The following WAC variants were observed in gnomAD, a reference collection of about 807,000 sequenced individuals.
The protein encoded by WAC is WW domain containing adaptor with coiled-coil, also known as WW domain-containing adapter protein with coiled-coil.
WAC carries 11 observed loss-of-function variants against 79.6 expected under a neutral mutation model. The observed-to-expected ratio is 0.14, with a 90% CI of 0.09 to 0.23. The LOEUF is 0.23. WAC is among the 10% of genes least tolerant of loss of function. The pLI is 1.00. For synonymous variants in WAC, 304 were observed against 276.9 expected (o/e 1.10, Z -0.97); for missense variants, 728 against 773.5 (o/e 0.94, Z 0.70).
At chr10:28,589,645 T>A in intron 4 of WAC, 91 bp from the exon 5 acceptor site, 1 of 756,284 alleles carries the variant, frequency 1.3e-6, no homozygotes, top group Non-Finnish European at 2.2e-6. Context: ...ATCTCATAAG[T>A]GTTTTCCTGT....
chr10:28,608,137 A>T, intron 7 of WAC, 49 bp from the exon 8 acceptor site: 2 of 1,604,662 alleles, frequency 1.2e-6, no homozygotes, highest in Non-Finnish European at 1.7e-6. Context: ...TGTTTGTTCC[A>T]ATTTTCTCTA....
intron 8 of WAC, among the ~76,000 whole-genome samples, chr10:28,609,784 G>A (rs1366856894): frequency 6.6e-6 from 1 of 152,168 alleles, no homozygotes; most frequent in Admixed American, 6.5e-5. Context: ...TGAGGTGGGA[G>A]AATAACTTAA....
rs1836363101 is a variant in WAC at position 28,533,158 on chromosome 10, CCA to C, written c.-421_-420del. On this transcript the variant is annotated 5_prime_UTR_variant, in exon 1 of 14. Transcript: ENST00000354911. ...AGTTGGTGGAGCGGCAGCGGCGGCA[CCA>C]GCGGCGGCGGCGGCGGCGGGAGGAG... Among the ~76,000 whole-genome samples the C allele has an allele frequency of 1.3e-5, 2 of 151,306 alleles. No homozygotes were observed. The highest frequency in any genetic ancestry group is 1.3e-4 in the Admixed American group (2 of 15,182).
intron 4 of WAC, among the ~76,000 whole-genome samples, chr10:28,585,155 C>A (rs928551876): frequency 1.3e-5 from 2 of 152,040 alleles, no homozygotes; most frequent in Non-Finnish European, 2.9e-5. Context: ...AACAAAGGAA[C>A]CCTCAGGTAA....
rs539187933 is a variant in WAC at position 28,603,872 on chromosome 10, T to TG, written c.920-4313dup. 4.3e-3 allele frequency among the ~76,000 whole-genome samples: 629 copies of TG among 147,426 alleles called. 3 individuals are homozygous for TG. The highest frequency in any genetic ancestry group is 0.012 in the South Asian group (55 of 4,566). On this transcript the variant is annotated intron_variant, in intron 7 of 13. Coordinates refer to ENST00000354911, the MANE Select transcript of WAC (RefSeq NM_016628.5). ...TGGCGTGAACCCGGGAGGCAGATCT[T>TG]GCAGTTAGCTGAGATTGCACCACTG... is the stretch of plus-strand genomic sequence containing the variant.
In WAC at chr10:28,533,192, G is replaced by A. The variant is rs1049340776; in HGVS notation, c.-388G>A. ...GCGGCGGCGGCGGGAGGAGGAGGAG[G>A]AGAAGAAGGACCAGGCGGCGGCAGC... On this transcript the variant is annotated 5_prime_UTR_variant, in exon 1 of 14. Coordinates refer to ENST00000354911, the MANE Select transcript of WAC (RefSeq NM_016628.5). The A allele has an allele frequency of 4.7e-5, 8 of 171,466 alleles. No individual in the cohort carries two copies. Among genetic ancestry groups the A allele is most frequent in the East Asian group, 1.8e-4 (1 of 5,642 alleles). 10.6% of individuals were successfully genotyped at this position (171,466 alleles called of 1,614,324 possible).
chr10:28,598,431 A>G lies in WAC; in HGVS notation c.919+2390A>G, dbSNP rs539923257. 3.6e-4 allele frequency among the ~76,000 whole-genome samples: 55 copies of G among 152,250 alleles called. No individual in the cohort carries two copies. The East Asian group carries it at 6.7e-3, about 19-fold the overall frequency. On this transcript the variant is annotated intron_variant, in intron 7 of 13. Coordinates refer to ENST00000354911, the MANE Select transcript of WAC (RefSeq NM_016628.5). ...TTGAATCCAATACTCTTTTGTTACAACACTTAAACATTGTAATTTCAGTTT... is the reference window on the plus strand; with the variant it reads ...TTGAATCCAATACTCTTTTGTTACAGCACTTAAACATTGTAATTTCAGTTT...
intron 3 of WAC, among the ~76,000 whole-genome samples, chr10:28,568,461 A>T (rs1838770907): frequency 6.6e-6 from 1 of 151,502 alleles, no homozygotes; most frequent in South Asian, 2.1e-4. Context: ...GCTCGCTGCA[A>T]CCTCCACCTC....
chr10:28,605,119 C>A (rs558223509), intron 7 of WAC, among the ~76,000 whole-genome samples: 1 of 152,220 alleles, frequency 6.6e-6, no homozygotes, highest in East Asian at 1.9e-4. Context: ...ATGCTGAAGA[C>A]CTGCATGGAT....
intron 3 of WAC, among the ~76,000 whole-genome samples, chr10:28,545,958 A>C (rs942457498): frequency 2.6e-5 from 4 of 152,256 alleles, no homozygotes; most frequent in African/African-American, 9.6e-5. Flanking sequence ...CAGTTGGAAA[A>C]ATAGCCTTTC....
chr10:28,551,195 C>T (rs332120), intron 3 of WAC, among the ~76,000 whole-genome samples: 18,326 of 152,156 alleles, frequency 0.12, 1,475 homozygotes, highest in Middle Eastern at 0.19. Flanking sequence ...ACTTACACAT[C>T]CGTAAAACTT....
intron 3 of WAC, among the ~76,000 whole-genome samples, chr10:28,549,181 G>A (rs1837530821): frequency 6.6e-6 from 1 of 152,192 alleles, no homozygotes; most frequent in Admixed American, 6.5e-5. Flanking sequence ...TAATGGGTGT[G>A]AGCCACCACA....
chr10:28,533,822 C>A, intron 1 of WAC, 176 bp from the exon 2 acceptor site: 1 of 1,001,560 alleles, frequency 1.0e-6, no homozygotes, highest in South Asian at 1.6e-5. Context: ...CGCGGCATTT[C>A]GCCCTCTCCG....
At chr10:28,588,859 A>G (rs190385737) in intron 4 of WAC, 36 of 152,292 alleles carry the variant, frequency 2.4e-4, no homozygotes, top group African/African-American at 8.2e-4. Flanking sequence ...TGTGTTGGGA[A>G]CACTCAAAAT....
At chr10:28,536,120 G>A (rs1255677172) in intron 3 of WAC, among the ~76,000 whole-genome samples, 3 of 151,946 alleles carry the variant, frequency 2.0e-5, no homozygotes, top group South Asian at 2.1e-4. Flanking sequence ...GGTGGCAGGC[G>A]CCTGTAGTGC....
Position 28,583,504 on chromosome 10 carries a change from C to G in WAC, c.380C>G (p.Ala127Gly). 1.3e-6 allele frequency: 2 copies of G among 1,517,344 alleles called. No homozygotes were observed. The highest frequency in any genetic ancestry group is 2.5e-5 in the South Asian group (2 of 79,032). 94.0% of individuals were successfully genotyped at this position (1,517,344 alleles called of 1,614,324 possible). Reference sequence around the variant, plus strand: ...AATAACCCAAGCAAAACTTCAGATGCAGTAAGTATTATAAACATGTCCAAT... The same window carrying G: ...AATAACCCAAGCAAAACTTCAGATGGAGTAAGTATTATAAACATGTCCAAT... ...PSNNPSKTSD[A>G]PYDSADDWSE... is the part of the protein sequence containing the mutation. The change falls in exon 4 of 14, where the codon GCA becomes GGA. Residue 127 changes from alanine (A) to glycine (G), a missense_variant and splice_region_variant. Physicochemically the swap from Ala to Gly is moderately conservative, Grantham distance 60. This residue lies in a region of WAC where 648 missense variants were observed against 661.5 expected (regional missense o/e 0.98). Coordinates refer to ENST00000354911, the MANE Select transcript of WAC (RefSeq NM_016628.5).
chr10:28,568,081 C>T (rs910400846), intron 3 of WAC, among the ~76,000 whole-genome samples: 4 of 152,176 alleles, frequency 2.6e-5, no homozygotes, highest in African/African-American at 7.2e-5. Context: ...TTGTCAGAGA[C>T]GGTTTGTTGA....
intron 2 of WAC, among the ~76,000 whole-genome samples, chr10:28,534,637 A>G (rs1452720926): frequency 6.6e-6 from 1 of 152,202 alleles, no homozygotes; most frequent in Non-Finnish European, 1.5e-5. Context: ...TTGTTACTGC[A>G]GTCATTGTGT....
intron 3 of WAC, among the ~76,000 whole-genome samples, chr10:28,547,025 A>C (rs908264602): frequency 1.3e-5 from 2 of 151,930 alleles, no homozygotes; most frequent in Non-Finnish European, 2.9e-5. Context: ...TATTTTTGGG[A>C]TATTTGAAAA....
Sources: allele counts gnomAD v4.1 joint callset (sites outside exome capture counted in the v4.1 genomes callset), GRCh38; gene constraint gnomAD v4.1.1; regional missense constraint gnomAD v4.1.1; transcripts MANE v1.5; gene names NCBI Gene and HGNC (gene_info 2026-07-23, HGNC 2026-07-21).